EMSY: variants seen among roughly 807,000 people sequenced by gnomAD.
EMSY encodes the protein EMSY transcriptional repressor, BRCA2 interacting.
In EMSY, 26 loss-of-function variants were observed where a neutral mutation model predicts 134.6. That is an observed-to-expected ratio of 0.19 (90% CI 0.14 to 0.27). The LOEUF (loss-of-function observed/expected upper bound fraction) is 0.27, where lower values mean the gene tolerates loss of function less well. EMSY is among the 10% of genes least tolerant of loss of function. The pLI, the probability that EMSY is intolerant of heterozygous loss-of-function variation, is 1.00. For synonymous variants in EMSY, 579 were observed against 577.8 expected (o/e 1.00, Z -0.03); for missense variants, 1,305 against 1,611.4 (o/e 0.81, Z 3.26).
intron 14 of EMSY, 91 bp from the exon 16 acceptor site, chr11:76,535,800 AAGAT>A: frequency 3.0e-6 from 3 of 1,002,590 alleles, no homozygotes; most frequent in Non-Finnish European, 4.0e-6. Flanking sequence ...AATAAATAGA[AAGAT>A]AAGCAAACAG....
chr11:76,503,951 A>ATTTT (rs1264721522), intron 9 of EMSY, among the ~76,000 whole-genome samples: 1 of 141,560 alleles, frequency 7.1e-6, no homozygotes, highest in Non-Finnish European at 1.6e-5. Flanking sequence ...CGCCCGGCTA[A>ATTTT]TTTTTTTTTT....
exon 20 of EMSY, chr11:76,546,162 T>A (rs1450921581): frequency 6.2e-7 from 1 of 1,614,124 alleles, no homozygotes. Context: ...CCTGTTCGAG[T>A]CCATCCACTG....
At chr11:76,450,057 C>CT (rs11334942) in intron 2 of EMSY, among the ~76,000 whole-genome samples, 5 of 131,022 alleles carry the variant, frequency 3.8e-5, no homozygotes, top group African/African-American at 1.4e-4. Context: ...TGTACATTTG[C>CT]TTTTTTTTTT....
At chr11:76,495,949 T>C (rs1949637146) in intron 8 of EMSY, among the ~76,000 whole-genome samples, 1 of 152,178 alleles carries the variant, frequency 6.6e-6, no homozygotes, top group Non-Finnish European at 1.5e-5. Context: ...TGATAATTTG[T>C]TTCTTTCATT....
At chr11:76,488,350 T>C (rs533922839) in intron 8 of EMSY, among the ~76,000 whole-genome samples, 28 of 152,232 alleles carry the variant, frequency 1.8e-4, no homozygotes, top group African/African-American at 6.7e-4. Flanking sequence ...CCTGTAATCG[T>C]AGCTACTCGG....
chr11:76,545,625 G>A (rs546086216), intron 19 of EMSY, among the ~76,000 whole-genome samples, 172 bp from the exon 21 acceptor site: 1 of 152,200 alleles, frequency 6.6e-6, no homozygotes, highest in African/African-American at 2.4e-5. Flanking sequence ...TCTAGGTTTT[G>A]TAAAAGTAAC....
downstream of EMSY, chr11:76,552,330 G>A (rs1951855471): frequency 6.6e-6 from 1 of 152,112 alleles, no homozygotes; most frequent in South Asian, 2.1e-4. Context: ...GAGAAAATAA[G>A]AACAATACTT....
chr11:76,549,656 G>A (rs968669607), intron 20 of EMSY, among the ~76,000 whole-genome samples: 4 of 152,148 alleles, frequency 2.6e-5, no homozygotes, highest in African/African-American at 9.7e-5. Context: ...TTGAATCTTG[G>A]CATTAACCCT....
At chr11:76,548,212 G>A (rs903127162) in intron 20 of EMSY, among the ~76,000 whole-genome samples, 1 of 152,110 alleles carries the variant, frequency 6.6e-6, no homozygotes, top group African/African-American at 2.4e-5. Flanking sequence ...GCATTTTCAG[G>A]TCTTATTAGT....
chr11:76,477,587 G>A (rs1403454434), intron 8 of EMSY, among the ~76,000 whole-genome samples: 1 of 152,124 alleles, frequency 6.6e-6, no homozygotes, highest in East Asian at 1.9e-4. Flanking sequence ...TTTGGAAGGA[G>A]TAATTTTTAA....
intron 8 of EMSY, among the ~76,000 whole-genome samples, chr11:76,487,626 G>T (rs187479933): frequency 3.9e-5 from 6 of 152,352 alleles, no homozygotes; most frequent in African/African-American, 1.4e-4. Flanking sequence ...CCACATGGGT[G>T]CCCAAGATAG....
intron 9 of EMSY, among the ~76,000 whole-genome samples, chr11:76,507,456 T>A (rs1199104115): frequency 6.6e-6 from 1 of 152,258 alleles, no homozygotes; most frequent in Non-Finnish European, 1.5e-5. Context: ...TGCCATTGCT[T>A]TATCAACTAA....
intron 19 of EMSY, 88 bp from the exon 21 acceptor site, chr11:76,545,709 G>A: frequency 4.2e-6 from 6 of 1,439,020 alleles, no homozygotes; most frequent in Non-Finnish European, 5.6e-6. Flanking sequence ...GCGCACGAAT[G>A]TTTCTTTTGC....
chr11:76,548,540 C>T (rs1371799232), intron 20 of EMSY, among the ~76,000 whole-genome samples: 1 of 152,180 alleles, frequency 6.6e-6, no homozygotes, highest in Non-Finnish European at 1.5e-5. Flanking sequence ...ACGATCTTCA[C>T]AGTGTATCCT....
At chr11:76,498,200 C>G (rs1285701126) in intron 9 of EMSY, among the ~76,000 whole-genome samples, 1 of 152,100 alleles carries the variant, frequency 6.6e-6, no homozygotes, top group Non-Finnish European at 1.5e-5. Context: ...TGTATCATTT[C>G]AATTCTTTTA....
chr11:76,539,743 A>G (rs1400742138), intron 17 of EMSY, 103 bp downstream of exon 18: 4 of 1,122,590 alleles, frequency 3.6e-6, no homozygotes, highest in African/African-American at 1.5e-5. Flanking sequence ...TGGTAGAGGA[A>G]AGGTAAGCTC....
intron 14 of EMSY, among the ~76,000 whole-genome samples, chr11:76,530,776 G>A (rs1251789145): frequency 6.6e-6 from 1 of 152,154 alleles, no homozygotes; most frequent in African/African-American, 2.4e-5. Flanking sequence ...GATTTAAAGA[G>A]AAAGGGATTA....
chr11:76,536,139 TTTA>T (rs1329523715), intron 15 of EMSY, 80 bp downstream of exon 16: 63 of 907,176 alleles, frequency 6.9e-5, no homozygotes, highest in Non-Finnish European at 8.5e-5. Flanking sequence ...ACTGTTATTA[TTTA>T]TTATTACTAT....
chr11:76,472,744 A>G, exon 8 of EMSY: 1 of 1,614,126 alleles, frequency 6.2e-7, no homozygotes, highest in Admixed American at 1.7e-5. Flanking sequence ...CAGCAGTGGC[A>G]GCAGCAGTTC....
Sources: gnomAD v4.1 joint callset for allele counts (sites outside exome capture counted in the v4.1 genomes callset) on GRCh38, gnomAD v4.1.1 for gene constraint, MANE v1.5 for transcripts, NCBI Gene and HGNC (gene_info 2026-07-23, HGNC 2026-07-21) for gene names.